TBC1D19: variants seen among roughly 807,000 people sequenced by gnomAD.
The protein encoded by TBC1D19 is TBC1 domain family member 19.
A neutral mutation model predicts 89.0 loss-of-function variants in TBC1D19; 60 were observed. The ratio of observed to expected loss-of-function variants is 0.67; its 90% CI spans 0.55 to 0.84. The LOEUF (loss-of-function observed/expected upper bound fraction) is 0.84. Ranked by LOEUF, TBC1D19 falls within the 40% of genes least tolerant of loss-of-function variation. The pLI, the probability that TBC1D19 is intolerant of heterozygous loss-of-function variation, is 0.00. For missense variants in TBC1D19, 500 were observed against 610.8 expected (o/e 0.82, Z 1.91); for synonymous variants, 189 against 199.7 (o/e 0.95, Z 0.45).
At chr4:26,717,130 G>A (rs1716679006) in intron 13 of TBC1D19, among the ~76,000 whole-genome samples, 1 of 152,004 alleles carries the variant, frequency 6.6e-6, no homozygotes, top group South Asian at 2.1e-4. Flanking sequence ...TTGGACACAA[G>A]GATTTTTCCT....
At chr4:26,763,027 G>A in the TBC1D19 span, among the ~76,000 whole-genome samples, 1 of 152,158 alleles carries the variant, frequency 6.6e-6, no homozygotes, top group Non-Finnish European at 1.5e-5. Flanking sequence ...GAGATAATCT[G>A]TCTCCTCGCA....
chr4:26,745,731 C>T (rs191772407), intron 18 of TBC1D19, among the ~76,000 whole-genome samples: 8 of 151,810 alleles, frequency 5.3e-5, no homozygotes, highest in Admixed American at 3.3e-4. Context: ...AGACTGGTCT[C>T]GGACTCCTGA....
At chr4:26,819,692 C>A in the TBC1D19 span, among the ~76,000 whole-genome samples, 7 of 152,286 alleles carry the variant, frequency 4.6e-5, no homozygotes, top group African/African-American at 1.7e-4. Flanking sequence ...CCTCCAGGGG[C>A]TTCCCATCTC....
At chr4:26,593,695 T>A (rs1322436410) in intron 1 of TBC1D19, among the ~76,000 whole-genome samples, 2 of 152,150 alleles carry the variant, frequency 1.3e-5, no homozygotes, top group Non-Finnish European at 1.5e-5. Flanking sequence ...GAACAGACAC[T>A]TCCCAAAAGA....
intron 9 of TBC1D19, among the ~76,000 whole-genome samples, chr4:26,667,343 C>T (rs1480740222): frequency 1.3e-5 from 2 of 151,960 alleles, no homozygotes; most frequent in Non-Finnish European, 2.9e-5. Flanking sequence ...AGAAGCCCTC[C>T]TCCTACCCTC....
At chr4:26,698,515 T>G (rs546833453) in intron 13 of TBC1D19, among the ~76,000 whole-genome samples, 2 of 152,232 alleles carry the variant, frequency 1.3e-5, no homozygotes, top group African/African-American at 4.8e-5. Flanking sequence ...AAAACTACTT[T>G]AAAGTTCATA....
At chr4:26,654,576 T>G (rs1187433957) in intron 7 of TBC1D19, among the ~76,000 whole-genome samples, 3 of 152,202 alleles carry the variant, frequency 2.0e-5, no homozygotes, top group Non-Finnish European at 4.4e-5. Context: ...TTGACATTTC[T>G]TTTCATTCTT....
intron 14 of TBC1D19, among the ~76,000 whole-genome samples, chr4:26,719,178 G>A (rs1716828302): frequency 6.6e-6 from 1 of 152,000 alleles, no homozygotes; most frequent in African/African-American, 2.4e-5. Flanking sequence ...ACATATATAT[G>A]TTTGCCTCTC....
At chr4:26,667,680 C>T (rs190952102) in intron 9 of TBC1D19, among the ~76,000 whole-genome samples, 44 of 151,992 alleles carry the variant, frequency 2.9e-4, no homozygotes, top group Admixed American at 2.0e-4. Context: ...TTTTGGTGAA[C>T]GTATCTATAT....
intron 1 of TBC1D19, among the ~76,000 whole-genome samples, chr4:26,599,906 CCACTG>C (rs1231993185): frequency 7.0e-6 from 1 of 143,200 alleles, no homozygotes; most frequent in Non-Finnish European, 1.5e-5. Flanking sequence ...TGAGATCGCG[CCACTG>C]CACTCCATCC....
the TBC1D19 span, among the ~76,000 whole-genome samples, chr4:26,789,482 A>G: frequency 6.6e-6 from 1 of 152,250 alleles, no homozygotes; most frequent in African/African-American, 2.4e-5. Context: ...CATAAGGGAA[A>G]GGCAAATGAA....
chr4:26,846,298 GC>G, the TBC1D19 span, among the ~76,000 whole-genome samples: 5 of 152,040 alleles, frequency 3.3e-5, no homozygotes, highest in African/African-American at 4.8e-5. Flanking sequence ...CAGTTCATAT[GC>G]CATAATTATA....
chr4:26,649,716 T>A (rs1373508970), intron 7 of TBC1D19, among the ~76,000 whole-genome samples: 1 of 152,150 alleles, frequency 6.6e-6, no homozygotes, highest in Non-Finnish European at 1.5e-5. Flanking sequence ...TCTAACTTTT[T>A]TTTTTTTTAT....
At chr4:26,760,474 A>T (rs536079358), downstream of TBC1D19, among the ~76,000 whole-genome samples, 1 of 152,204 alleles carries the variant, frequency 6.6e-6, no homozygotes, top group South Asian at 2.1e-4. Flanking sequence ...AGTGGTGGGG[A>T]TGCTGAAGTG....
chr4:26,845,568 A>C, the TBC1D19 span, among the ~76,000 whole-genome samples: 1 of 152,094 alleles, frequency 6.6e-6, no homozygotes, highest in Non-Finnish European at 1.5e-5. Context: ...CCACTACTCT[A>C]CTTTCTTTCT....
chr4:26,647,000 A>G (rs184130921), intron 7 of TBC1D19, among the ~76,000 whole-genome samples: 1 of 152,316 alleles, frequency 6.6e-6, no homozygotes, highest in African/African-American at 2.4e-5. Flanking sequence ...ACATATACAT[A>G]CTCAGGAAAT....
At chr4:26,824,443 C>G in the TBC1D19 span, among the ~76,000 whole-genome samples, 1 of 152,144 alleles carries the variant, frequency 6.6e-6, no homozygotes, top group Non-Finnish European at 1.5e-5. Context: ...TAGTATAAAA[C>G]TAATGAATGC....
the TBC1D19 span, among the ~76,000 whole-genome samples, chr4:26,852,108 T>G: frequency 6.6e-6 from 1 of 152,254 alleles, no homozygotes; most frequent in Non-Finnish European, 1.5e-5. Context: ...TATGCAAAAC[T>G]GAGTTTCTAC....
intron 9 of TBC1D19, among the ~76,000 whole-genome samples, chr4:26,666,742 C>A (rs1711847166): frequency 6.6e-6 from 1 of 152,020 alleles, no homozygotes; most frequent in Non-Finnish European, 1.5e-5. Context: ...GTTAAGTGAA[C>A]ACTGACGTCT....
Sources: allele counts gnomAD v4.1 joint callset (sites outside exome capture counted in the v4.1 genomes callset), GRCh38; gene constraint gnomAD v4.1.1; transcripts MANE v1.5; gene names NCBI Gene and HGNC (gene_info 2026-07-23, HGNC 2026-07-21).